Variants in ST6GALNAC2 observed in about 807,000 individuals in gnomAD.
ST6GALNAC2 encodes alpha-N-acetylgalactosaminide alpha-2,6-sialyltransferase 2.
ST6GALNAC2 carries 42 observed loss-of-function variants against 38.7 expected under a neutral mutation model. The ratio of observed to expected loss-of-function variants is 1.09; its 90% CI spans 0.85 to 1.40. ST6GALNAC2 has a LOEUF of 1.40. Among genes scored for constraint, ST6GALNAC2 ranks in the 40% most tolerant of loss-of-function variants. The pLI is 0.00. For synonymous variants in ST6GALNAC2, 233 were observed against 209.0 expected (o/e 1.11, Z -0.99); for missense variants, 506 against 481.7 (o/e 1.05, Z -0.47).
Position 76,574,396 on chromosome 17 carries a change from G to C in ST6GALNAC2, c.330C>G (p.Ala110=), listed in dbSNP as rs769548135. 1.2e-6 allele frequency: 2 copies of C among 1,613,728 alleles called. No individual in the cohort carries two copies. Among genetic ancestry groups the C allele is most frequent in the Non-Finnish European group, 1.7e-6 (2 of 1,179,872 alleles). Residue 110 remains alanine, a synonymous_variant, in exon 3 of 9, where the codon GCC becomes GCG. Transcript: ENST00000225276. ...GAGAGAGCCCCCGCCAGCCATACGG[G>C]GCTTTGTGTTGGCTCAGGCGGTCCC... ...ALWDRLSQHK[A]PYGWRGLSHQ...
At chr17:76,579,589 A>G (rs1262763851) in intron 1 of ST6GALNAC2, among the ~76,000 whole-genome samples, 1 of 152,232 alleles carries the variant, frequency 6.6e-6, no homozygotes, top group Non-Finnish European at 1.5e-5. Context: ...TATGTGTTGG[A>G]AACTGAATCC....
At chr17:76,579,197 G>A (rs1230275535) in intron 1 of ST6GALNAC2, among the ~76,000 whole-genome samples, 1 of 152,230 alleles carries the variant, frequency 6.6e-6, no homozygotes, top group Non-Finnish European at 1.5e-5. Context: ...GGGATTACAG[G>A]CGTAAGCCAC....
chr17:76,576,102 G>A (rs1026972554), intron 2 of ST6GALNAC2, among the ~76,000 whole-genome samples: 1 of 152,128 alleles, frequency 6.6e-6, no homozygotes, highest in African/African-American at 2.4e-5. Flanking sequence ...TTTTTCATTA[G>A]CCAGGCATGG....
intron 1 of ST6GALNAC2, among the ~76,000 whole-genome samples, chr17:76,580,479 A>G (rs1009235868): frequency 1.3e-5 from 2 of 152,026 alleles, no homozygotes; most frequent in African/African-American, 4.8e-5. Flanking sequence ...GTGGATCACA[A>G]GTTCAGGAGA....
rs1233278686 is a variant in ST6GALNAC2, at chr17:76,585,847, C to A, written c.-39G>T. 1 of 1,513,534 alleles carries A rather than the reference C, an allele frequency of 6.6e-7. No individual in the cohort carries two copies. The highest frequency in any genetic ancestry group is 8.8e-7 in the Non-Finnish European group (1 of 1,133,830). The allele number at this position is 1,513,534 out of a possible 1,614,324, so 93.8% of individuals were successfully genotyped here. A position where few individuals can be genotyped will look rare whatever the true frequency, so the allele number is the denominator to read the frequency against. ...GCGAGCGCCCCGTCCGCTGACGTCC[C>A]AGGCAGAAGGGAGAGAACCGGGTGG... On this transcript the variant is annotated 5_prime_UTR_variant, in exon 1 of 9. Transcript: ENST00000225276.
chr17:76,567,000 G>A (rs370362809), intron 8 of ST6GALNAC2, among the ~76,000 whole-genome samples: 3 of 152,144 alleles, frequency 2.0e-5, no homozygotes, highest in African/African-American at 4.8e-5. Flanking sequence ...GACTCTTAAC[G>A]GTGATTTCAA....
At chr17:76,566,387 C>T in intron 8 of ST6GALNAC2, 116 bp from the exon 9 acceptor site, 2 of 1,128,442 alleles carry the variant, frequency 1.8e-6, no homozygotes, top group Non-Finnish European at 2.6e-6. Context: ...GGATAATGGT[C>T]TAGGGCTTAT....
chr17:76,575,037 C>G (rs1311112555), intron 2 of ST6GALNAC2, among the ~76,000 whole-genome samples: 1 of 152,122 alleles, frequency 6.6e-6, no homozygotes, highest in Non-Finnish European at 1.5e-5. Flanking sequence ...TGGATTTAGC[C>G]TGCCTAGCTC....
chr17:76,576,693 G>A (rs187502109), intron 2 of ST6GALNAC2, among the ~76,000 whole-genome samples: 5 of 151,946 alleles, frequency 3.3e-5, no homozygotes, highest in Non-Finnish European at 7.4e-5. Context: ...AATCCAGGCC[G>A]GGCACGGTGG....
chr17:76,577,435 T>TA (rs1228372781), intron 2 of ST6GALNAC2, among the ~76,000 whole-genome samples: 1 of 152,022 alleles, frequency 6.6e-6, no homozygotes, highest in African/African-American at 2.4e-5. Context: ...GGTGGGGACA[T>TA]ACGTCAGTTA....
chr17:76,569,346 G>A (rs1598245456), intron 6 of ST6GALNAC2: 1 of 389,100 alleles, frequency 2.6e-6, no homozygotes, highest in Non-Finnish European at 4.5e-6. Context: ...TTAGGGAAGG[G>A]TTTCGAGAGA....
intron 7 of ST6GALNAC2, 69 bp from the exon 8 acceptor site, chr17:76,567,621 T>C: frequency 9.2e-7 from 1 of 1,081,460 alleles, no homozygotes; most frequent in Non-Finnish European, 1.4e-6. Flanking sequence ...AACTACACAT[T>C]CAAATAGGTG....
At position 76,566,024 on chromosome 17, in the gene ST6GALNAC2, A is replaced by G; in HGVS notation, c.*80T>C. 1 of 1,469,184 alleles carries G rather than the reference A, an allele frequency of 6.8e-7. No individual in the cohort carries two copies. 91.0% of individuals were successfully genotyped at this position (1,469,184 alleles called of 1,614,324 possible). A position where few individuals can be genotyped will look rare whatever the true frequency, so the allele number is the denominator to read the frequency against. ...TGTTGGCAAGGGAAGGTGAAGATTG[A>G]AAAGTTAAAAAAGCTTTTGGCCACT... is the stretch of plus-strand genomic sequence containing the variant. On this transcript the variant is annotated 3_prime_UTR_variant, in exon 9 of 9. Coordinates refer to ENST00000225276, the MANE Select transcript of ST6GALNAC2 (RefSeq NM_006456.3).
rs1265378086 is a variant in ST6GALNAC2 at position 76,570,735 on chromosome 17, C to T, written c.670-67G>A. On this transcript the variant is annotated intron_variant, in intron 5 of 8. Transcript: ENST00000225276. The stretch of plus-strand genomic sequence containing the variant: ...ATGTTTAGCTCCTCAGTGTGGACAG[C>T]CCTCCACCCAACCTTGCCCCCTGAG... 4.0e-6 allele frequency: 5 copies of T among 1,265,196 alleles called. No homozygotes were observed. The East Asian group carries it at 1.2e-4, about 31-fold the overall frequency. 78.4% of individuals were successfully genotyped at this position (1,265,196 alleles called of 1,614,324 possible). A position where few individuals can be genotyped will look rare whatever the true frequency, so the allele number is the denominator to read the frequency against.
chr17:76,579,274 T>A (rs2075450567), intron 1 of ST6GALNAC2, among the ~76,000 whole-genome samples: 1 of 152,222 alleles, frequency 6.6e-6, no homozygotes, highest in Non-Finnish European at 1.5e-5. Context: ...TACTGTCACT[T>A]TCTTATGTTT....
In ST6GALNAC2 at chr17:76,585,858, G is replaced by A. The variant is rs1442207523; in HGVS notation, c.-50C>T. On this transcript the variant is annotated 5_prime_UTR_variant, in exon 1 of 9. Coordinates refer to ENST00000225276, the MANE Select transcript of ST6GALNAC2 (RefSeq NM_006456.3). ...GTCCGCTGACGTCCCAGGCAGAAGG[G>A]AGAGAACCGGGTGGGCCGGGTGGCA... The A allele has an allele frequency of 4.7e-6, 7 of 1,495,736 alleles. No individual in the cohort carries two copies. The East Asian group carries it at 1.9e-4, about 42-fold the overall frequency. 92.7% of individuals were successfully genotyped at this position (1,495,736 alleles called of 1,614,324 possible). A position where few individuals can be genotyped will look rare whatever the true frequency, so the allele number is the denominator to read the frequency against.
chr17:76,566,675 G>T (rs1282877278), intron 8 of ST6GALNAC2, among the ~76,000 whole-genome samples: 1 of 144,790 alleles, frequency 6.9e-6, no homozygotes, highest in Non-Finnish European at 1.5e-5. Flanking sequence ...GGGCAACATG[G>T]TAAGACCCTG....
chr17:76,567,350 G>T, intron 8 of ST6GALNAC2, 103 bp downstream of exon 8: 1 of 813,636 alleles, frequency 1.2e-6, no homozygotes. Flanking sequence ...ACGAACAGAG[G>T]CCAAGAGTCC....
chr17:76,570,483 G>A (rs2075340412), intron 6 of ST6GALNAC2, 82 bp downstream of exon 6: 4 of 936,446 alleles, frequency 4.3e-6, no homozygotes, highest in Non-Finnish European at 6.7e-6. Flanking sequence ...CCCCATGATG[G>A]GCCCTGGGAG....
Sources: gnomAD v4.1 joint callset for allele counts (sites outside exome capture counted in the v4.1 genomes callset) on GRCh38, gnomAD v4.1.1 for gene constraint, MANE v1.5 for transcripts, NCBI Gene and HGNC (gene_info 2026-07-23, HGNC 2026-07-21) for gene names.